The following MAT2B variants were observed in gnomAD, a reference collection of about 807,000 sequenced individuals.
MAT2B encodes methionine adenosyltransferase 2 subunit beta.
MAT2B carries 16 observed loss-of-function variants against 36.1 expected under a neutral mutation model. The ratio of observed to expected loss-of-function variants is 0.44; its 90% CI spans 0.30 to 0.67. The LOEUF is 0.67. Ranked by LOEUF, MAT2B falls within the 30% of genes least tolerant of loss-of-function variation. The pLI, the probability that MAT2B is intolerant of heterozygous loss-of-function variation, is 0.09. For missense variants in MAT2B, 332 were observed against 398.2 expected, an observed-to-expected ratio of 0.83 and a Z score of 1.42; for synonymous variants, 148 against 136.9, an observed-to-expected ratio of 1.08 and a Z score of -0.57.
Position 163,512,112 on chromosome 5 carries a change from T to G in MAT2B, c.174T>G (p.Cys58Trp), listed in dbSNP as rs1374990714. 6.2e-7 allele frequency: 1 copy of G among 1,614,192 alleles called. No individual in the cohort carries two copies. Among genetic ancestry groups the G allele is most frequent in the Non-Finnish European group, 8.5e-7 (1 of 1,180,004 alleles). The change falls in exon 2 of 7, where the codon TGT (cysteine) becomes TGG (tryptophan). Residue 58 changes from cysteine (C) to tryptophan (W), a missense_variant. Transcript: ENST00000321757. ...FQQNNWHAVG[C>W]GFRRARPKFE... ...AGAATAATTGGCATGCAGTTGGCTG[T>G]GGTTTCAGAAGAGCAAGACCAAAAT...
chr5:163,505,681 G>A lies in MAT2B; in HGVS notation c.-6G>A, dbSNP rs369711301. ...CCGCTGAGGCTGCGGCGTGAAGACG[G>A]CGGGCATGGTGGGGCGGGAGAAAGA... On this transcript the variant is annotated 5_prime_UTR_variant, in exon 1 of 7. Coordinates refer to ENST00000321757, the MANE Select transcript of MAT2B (RefSeq NM_013283.5). 8.6e-6 allele frequency: 11 copies of A among 1,282,582 alleles called. No homozygotes were observed. Among genetic ancestry groups the A allele is most frequent in the Non-Finnish European group, 8.9e-6 (9 of 1,007,404 alleles). The allele number at this position is 1,282,582 out of a possible 1,614,324, so 79.5% of individuals were successfully genotyped here.
chr5:163,518,223 C>A lies in MAT2B; in HGVS notation c.865C>A (p.Arg289Ser). 3 of 1,611,954 alleles carry A rather than the reference C, an allele frequency of 1.9e-6. No individual in the cohort carries two copies. The highest frequency in any genetic ancestry group is 1.7e-6 in the Non-Finnish European group (2 of 1,179,270). ...TGACAGCCCTGTCCTAGGAGCACAA[C>A]GTCCGAGAAATGCTCAGCTTGACTG... is the stretch of plus-strand genomic sequence containing the variant. Reference protein sequence around the residue: ...ITDSPVLGAQRPRNAQLDCSK... With the variant: ...ITDSPVLGAQSPRNAQLDCSK... The change falls in exon 7 of 7, where the codon CGT becomes AGT. Residue 289 changes from arginine (R) to serine (S), a missense_variant. Coordinates refer to ENST00000321757, the MANE Select transcript of MAT2B (RefSeq NM_013283.5).
intron 4 of MAT2B, 139 bp from the exon 5 acceptor site, chr5:163,516,379 G>A: frequency 2.9e-6 from 2 of 677,972 alleles, no homozygotes; most frequent in Non-Finnish European, 5.0e-6. Context: ...GTTGTCACAA[G>A]TGAGCTGTGT....
chr5:163,515,764 C>CTTTTTT (rs1222529836), intron 4 of MAT2B, among the ~76,000 whole-genome samples: 3 of 30,822 alleles, frequency 9.7e-5, no homozygotes, highest in East Asian at 1.2e-3. Context: ...GTGGTTTTGC[C>CTTTTTT]TTTTTCTTTT....
At chr5:163,511,749 CATT>C (rs1241221834) in intron 1 of MAT2B, among the ~76,000 whole-genome samples, 2 of 151,978 alleles carry the variant, frequency 1.3e-5, no homozygotes, top group Admixed American at 6.6e-5. Context: ...AGATGGGTCT[CATT>C]ATGTTACCCA....
intron 6 of MAT2B, chr5:163,517,962 C>A (rs781332526): frequency 2.0e-6 from 1 of 505,828 alleles, no homozygotes; most frequent in East Asian, 3.0e-5. Flanking sequence ...AAATATAAAA[C>A]CTCAAAATGG....
chr5:163,514,468 A>T (rs554649665), intron 4 of MAT2B, among the ~76,000 whole-genome samples: 1 of 152,366 alleles, frequency 6.6e-6, no homozygotes, highest in South Asian at 2.1e-4. Context: ...TATAAAAAGT[A>T]TACACTCCTT....
chr5:163,516,790 G>C lies in MAT2B; in HGVS notation c.720+79G>C, dbSNP rs755590322. On this transcript the variant is annotated intron_variant, in intron 5 of 6. Coordinates refer to ENST00000321757, the MANE Select transcript of MAT2B (RefSeq NM_013283.5). ...TGCTTGAACTTTCACAGCTGTACTT[G>C]GAGTGTTACTGAGTGAAAGCCAAAA... The C allele has an allele frequency of 4.0e-6, 6 of 1,508,284 alleles. No homozygotes were observed. The East Asian group carries it at 6.8e-5, about 17-fold the overall frequency. The allele number at this position is 1,508,284 out of a possible 1,614,324, so 93.4% of individuals were successfully genotyped here.
At chr5:163,509,360 G>A (rs778932445) in intron 1 of MAT2B, among the ~76,000 whole-genome samples, 4 of 152,116 alleles carry the variant, frequency 2.6e-5, no homozygotes, top group Non-Finnish European at 5.9e-5. Flanking sequence ...TGTTTTCCTT[G>A]TGTAAGAGAA....
At chr5:163,506,775 G>C (rs1457155313) in intron 1 of MAT2B, among the ~76,000 whole-genome samples, 1 of 148,936 alleles carries the variant, frequency 6.7e-6, no homozygotes, top group Non-Finnish European at 1.5e-5. Context: ...GTGTACGTGT[G>C]CATATAAAGC....
At chr5:163,514,300 T>C (rs112356471) in intron 4 of MAT2B, among the ~76,000 whole-genome samples, 1,651 of 152,276 alleles carry the variant, frequency 0.011, 33 homozygotes, top group African/African-American at 0.036. Context: ...GAGTGAGATA[T>C]TCTGTTTATG....
intron 1 of MAT2B, among the ~76,000 whole-genome samples, chr5:163,508,574 T>C (rs1759984383): frequency 6.6e-6 from 1 of 152,164 alleles, no homozygotes. Flanking sequence ...CAGCTATGAT[T>C]GTATACTTAT....
In MAT2B at chr5:163,518,368, T is replaced by C. The variant is rs762375398; in HGVS notation, c.*5T>C. 1 of 1,592,156 alleles carries C rather than the reference T, an allele frequency of 6.3e-7. No homozygotes were observed. The highest frequency in any genetic ancestry group is 8.5e-7 in the Non-Finnish European group (1 of 1,173,304). ...AGACAAACGGTCTTTCATTAGTTTA[T>C]TTGTGTTGGGTTCTTTTTTTTTTTT... On this transcript the variant is annotated 3_prime_UTR_variant, in exon 7 of 7. Transcript: ENST00000321757.
intron 1 of MAT2B, among the ~76,000 whole-genome samples, chr5:163,508,856 A>T (rs2113551808): frequency 6.6e-6 from 1 of 152,328 alleles, no homozygotes. Flanking sequence ...TCTGAAGTGC[A>T]AGCATTTACT....
intron 1 of MAT2B, among the ~76,000 whole-genome samples, chr5:163,511,315 G>A (rs950466663): frequency 4.0e-5 from 6 of 151,504 alleles, no homozygotes; most frequent in African/African-American, 1.2e-4. Flanking sequence ...CCCCCAGACT[G>A]GAGTGCATGT....
intron 1 of MAT2B, among the ~76,000 whole-genome samples, chr5:163,510,154 A>C (rs1228303789): frequency 2.0e-5 from 3 of 152,212 alleles, no homozygotes; most frequent in Non-Finnish European, 4.4e-5. Context: ...GAGTTAAAAT[A>C]ACTGGTTTGT....
intron 5 of MAT2B, chr5:163,517,303 C>T (rs6869277): frequency 0.11 from 26,123 of 245,218 alleles, 1,492 homozygotes; most frequent in South Asian, 0.15. Context: ...TTTTTATATT[C>T]CCACTAATTA....
At chr5:163,505,097 G>A (rs1402486431), upstream of MAT2B, among the ~76,000 whole-genome samples, 2 of 150,886 alleles carry the variant, frequency 1.3e-5, no homozygotes, top group Admixed American at 1.3e-4. Flanking sequence ...CTTTTTTTAA[G>A]CATCCCAGGA....
rs572646343 is a variant in MAT2B at position 163,518,554 on chromosome 5, A to T, written c.*191A>T. The T allele has an allele frequency of 1.6e-5, 7 of 426,538 alleles. No individual in the cohort carries two copies. The highest frequency in any genetic ancestry group is 6.3e-4 in the Middle Eastern group (1 of 1,598). 26.4% of individuals were successfully genotyped at this position (426,538 alleles called of 1,614,324 possible). ...GGGCAGTCATGCCCTGTTTGCAGTAATTTTTCTTTTTATCATTTTGTTTGT... is the reference window on the plus strand; with the variant it reads ...GGGCAGTCATGCCCTGTTTGCAGTATTTTTTCTTTTTATCATTTTGTTTGT... On this transcript the variant is annotated 3_prime_UTR_variant, in exon 7 of 7. Coordinates refer to ENST00000321757, the MANE Select transcript of MAT2B (RefSeq NM_013283.5).
Sources: allele counts gnomAD v4.1 joint callset (sites outside exome capture counted in the v4.1 genomes callset), GRCh38; gene constraint gnomAD v4.1.1; transcripts MANE v1.5; gene names NCBI Gene and HGNC (gene_info 2026-07-23, HGNC 2026-07-21).